The following RGS6 variants were observed in gnomAD, a reference collection of about 807,000 sequenced individuals.
RGS6 encodes the protein regulator of G-protein signaling 6.
In RGS6, 30 loss-of-function variants were observed where a neutral mutation model predicts 78.5. The ratio of observed to expected loss-of-function variants is 0.38; its 90% confidence interval spans 0.29 to 0.52. The LOEUF is 0.52. Among genes scored for constraint, RGS6 ranks in the 20% least tolerant of loss-of-function variants. The pLI is 0.85. For missense variants in RGS6, 495 were observed against 609.7 expected (o/e 0.81, Z 1.98); for synonymous variants, 206 against 206.0 (o/e 1.00, Z 0.00).
intron 3 of RGS6, among the ~76,000 whole-genome samples, chr14:72,429,571 G>A (rs2094548383): frequency 6.6e-6 from 1 of 152,100 alleles, no homozygotes; most frequent in South Asian, 2.1e-4. Context: ...GGAATTTGAG[G>A]AGAAACATAT....
intron 12 of RGS6, among the ~76,000 whole-genome samples, chr14:72,489,669 G>T (rs2096550273): frequency 6.6e-6 from 1 of 152,086 alleles, no homozygotes; most frequent in South Asian, 2.1e-4. Context: ...GCAGCCACAA[G>T]CCAAGGCATG....
intron 3 of RGS6, among the ~76,000 whole-genome samples, chr14:72,399,355 C>T (rs2092021267): frequency 6.6e-6 from 1 of 151,854 alleles, no homozygotes; most frequent in Admixed American, 6.6e-5. Context: ...GGATTGCAAC[C>T]CCTGCCTTTT....
chr14:72,394,588 G>T (rs1281793170), intron 3 of RGS6, among the ~76,000 whole-genome samples: 1 of 152,182 alleles, frequency 6.6e-6, no homozygotes, highest in East Asian at 1.9e-4. Flanking sequence ...GCTCTTGAAA[G>T]AAGAGAAAGA....
At chr14:72,327,873 A>C (rs2074152001) in intron 2 of RGS6, among the ~76,000 whole-genome samples, 1 of 152,196 alleles carries the variant, frequency 6.6e-6, no homozygotes, top group African/African-American at 2.4e-5. Flanking sequence ...GAGAAACAGA[A>C]TAGGATTTAC....
the RGS6 span, among the ~76,000 whole-genome samples, chr14:71,872,966 T>C: frequency 1.1e-4 from 17 of 152,340 alleles, no homozygotes; most frequent in African/African-American, 4.1e-4. Flanking sequence ...ACAAAGGACA[T>C]GAACTCAACC....
chr14:72,548,207 T>C (rs983141429), intron 17 of RGS6, among the ~76,000 whole-genome samples: 4 of 152,118 alleles, frequency 2.6e-5, no homozygotes, highest in Non-Finnish European at 5.9e-5. Flanking sequence ...TCCAACCACA[T>C]TCAAAGATCC....
intron 15 of RGS6, among the ~76,000 whole-genome samples, chr14:72,535,182 CA>C (rs1356909697): frequency 5.9e-5 from 9 of 152,174 alleles, no homozygotes; most frequent in African/African-American, 2.2e-4. Context: ...AGCTGGAAAT[CA>C]GGGGTGAAAT....
chr14:72,442,320 C>T lies in RGS6; in HGVS notation c.185-12208C>T, dbSNP rs113872135. 2.3e-3 allele frequency among the ~76,000 whole-genome samples: 345 copies of T among 152,178 alleles called. 4 individuals are homozygous for T. The highest frequency in any genetic ancestry group is 7.8e-3 in the African/African-American group (324 of 41,512). On this transcript the variant is annotated intron_variant, in intron 3 of 17. Coordinates refer to ENST00000553525, the MANE Select transcript of RGS6 (RefSeq NM_001204424.2). ...TCCTGTTAGCATGGTGAGCTGCAGG[C>T]TGTTCTGCATGAGTCCTCCTTGAGC... is the stretch of plus-strand genomic sequence containing the variant.
At chr14:72,397,776 G>T (rs1276636025) in intron 3 of RGS6, among the ~76,000 whole-genome samples, 1 of 152,130 alleles carries the variant, frequency 6.6e-6, no homozygotes. Context: ...GTTGAATTTT[G>T]TCAAAGGCCT....
intron 17 of RGS6, among the ~76,000 whole-genome samples, chr14:72,560,275 A>G (rs188042325): frequency 1.3e-5 from 2 of 152,344 alleles, no homozygotes; most frequent in Admixed American, 1.3e-4. Flanking sequence ...CACAGCAATA[A>G]GTGGCACCTA....
chr14:71,944,703 AG>A (rs1264764164), intron 1 of RGS6, among the ~76,000 whole-genome samples: 1 of 152,200 alleles, frequency 6.6e-6, no homozygotes, highest in Non-Finnish European at 1.5e-5. Flanking sequence ...AGGTGCAAAA[AG>A]GGATAATGGC....
intron 2 of RGS6, among the ~76,000 whole-genome samples, chr14:72,307,650 T>C (rs1338404231): frequency 2.0e-5 from 3 of 152,150 alleles, no homozygotes; most frequent in Non-Finnish European, 4.4e-5. Flanking sequence ...TATTATATAT[T>C]TAAAATGTTT....
chr14:72,233,412 G>T (rs2050174156), intron 2 of RGS6, among the ~76,000 whole-genome samples: 1 of 152,170 alleles, frequency 6.6e-6, no homozygotes, highest in African/African-American at 2.4e-5. Flanking sequence ...CACAGTGCAG[G>T]CATGGCTCAA....
chr14:72,158,566 C>G (rs960881191), intron 2 of RGS6, among the ~76,000 whole-genome samples: 17 of 152,146 alleles, frequency 1.1e-4, no homozygotes, highest in Non-Finnish European at 4.4e-5. Context: ...CCAGCAACCC[C>G]CTTCTCCACC....
chr14:71,878,100 T>A, the RGS6 span, among the ~76,000 whole-genome samples: 3 of 152,010 alleles, frequency 2.0e-5, no homozygotes, highest in African/African-American at 7.2e-5. Context: ...TACTGGGAGG[T>A]GCCTCCCAGT....
chr14:71,922,261 T>C, the RGS6 span, among the ~76,000 whole-genome samples: 2 of 152,228 alleles, frequency 1.3e-5, no homozygotes, highest in Admixed American at 1.3e-4. Flanking sequence ...ACAAGTTTTA[T>C]CAGCTAAATG....
rs549282402 is a variant in RGS6 at position 72,562,293 on chromosome 14, G to A, written c.1423-124G>A. 438 of 873,660 alleles carry A rather than the reference G, an allele frequency of 5.0e-4. 3 individuals carry two copies. Among genetic ancestry groups the A allele is most frequent in the Middle Eastern group, 1.1e-3 (5 of 4,562 alleles). The allele number at this position is 873,660 out of a possible 1,614,324, so 54.1% of individuals were successfully genotyped here. Reference sequence around the variant, plus strand: ...TAGAGATCAAATATCAAGATGGTCAGTTGGGTTGGTTGGTCGTTTGGCCTA... The same window carrying A: ...TAGAGATCAAATATCAAGATGGTCAATTGGGTTGGTTGGTCGTTTGGCCTA... On this transcript the variant is annotated intron_variant, in intron 17 of 17. Coordinates refer to ENST00000553525, the MANE Select transcript of RGS6 (RefSeq NM_001204424.2).
At chr14:72,175,692 A>C (rs977237615) in intron 2 of RGS6, among the ~76,000 whole-genome samples, 8 of 152,186 alleles carry the variant, frequency 5.3e-5, no homozygotes, top group Non-Finnish European at 1.0e-4. Flanking sequence ...GCTCCATTAG[A>C]GGTTCCTCAA....
At chr14:72,189,571 TC>T (rs2097296181) in intron 2 of RGS6, among the ~76,000 whole-genome samples, 1 of 152,106 alleles carries the variant, frequency 6.6e-6, no homozygotes, top group Non-Finnish European at 1.5e-5. Context: ...AGGGCCTTGA[TC>T]ATTGTGCAGT....
Sources: allele counts gnomAD v4.1 joint callset (sites outside exome capture counted in the v4.1 genomes callset), GRCh38; gene constraint gnomAD v4.1.1; transcripts MANE v1.5; gene names NCBI Gene and HGNC (gene_info 2026-07-23, HGNC 2026-07-21).